Variants in ITGA1 observed in about 807,000 individuals in gnomAD.
The protein encoded by ITGA1 is integrin alpha-1.
A neutral mutation model predicts 145.9 loss-of-function variants in ITGA1; 85 were observed. That is an observed-to-expected ratio of 0.58 (90% confidence interval 0.49 to 0.70). The LOEUF is 0.70. Among genes scored for constraint, ITGA1 ranks in the 30% least tolerant of loss-of-function variants. ITGA1 has a pLI of 0.00. For synonymous variants in ITGA1, 520 were observed against 495.3 expected (o/e 1.05, Z -0.66); for missense variants, 1,351 against 1,418.7 (o/e 0.95, Z 0.77).
chr5:52,856,689 AGAGAG>A lies in ITGA1; in HGVS notation c.183-4757_183-4753del, dbSNP rs777550517. 1.4e-3 allele frequency among the ~76,000 whole-genome samples: 194 copies of A among 143,362 alleles called. 2 individuals are homozygous for A. In the South Asian group the frequency reaches 0.017, roughly 13 times the overall value. 94.1% of individuals were successfully genotyped at this position (143,362 alleles called of 152,430 possible). ...AAAGAAGAAAAAGAGACAGAGAGAG[AGAGAG>A]AGAGAGAGAGAGAGAGAGAAGCCAC... On this transcript the variant is annotated intron_variant, in intron 2 of 28. Transcript: ENST00000282588.
intron 1 of ITGA1, chr5:52,802,316 A>T (rs1561212721): frequency 6.6e-6 from 1 of 151,966 alleles, no homozygotes; most frequent in Non-Finnish European, 1.5e-5. Context: ...CACACACTAC[A>T]TTTTTTTTAG....
At chr5:52,861,807 C>G (rs893964399) in intron 3 of ITGA1, among the ~76,000 whole-genome samples, 2 of 149,100 alleles carry the variant, frequency 1.3e-5, no homozygotes, top group Non-Finnish European at 3.0e-5. Flanking sequence ...GAGTTTGAGA[C>G]TGCAGTGAAT....
At chr5:52,870,694 G>A (rs982969276) in intron 6 of ITGA1, among the ~76,000 whole-genome samples, 3 of 152,314 alleles carry the variant, frequency 2.0e-5, no homozygotes, top group African/African-American at 7.2e-5. Context: ...TAGAATGCAT[G>A]TGTTTTCCCA....
intron 6 of ITGA1, among the ~76,000 whole-genome samples, chr5:52,871,755 T>C (rs1326897994): frequency 1.3e-5 from 2 of 152,214 alleles, no homozygotes; most frequent in African/African-American, 4.8e-5. Flanking sequence ...ATCCATTCTA[T>C]GTTTCTGTGT....
At chr5:52,800,803 G>GTGGC in intron 1 of ITGA1, 2 of 1,612,292 alleles carry the variant, frequency 1.2e-6, no homozygotes, top group Non-Finnish European at 1.7e-6. Flanking sequence ...GAGCGCTGAT[G>GTGGC]TGGCGGCTGT....
At chr5:52,832,438 TG>T (rs1260326332) in intron 1 of ITGA1, among the ~76,000 whole-genome samples, 8 of 152,288 alleles carry the variant, frequency 5.3e-5, no homozygotes, top group Non-Finnish European at 1.0e-4. Flanking sequence ...AAAAGGTAGT[TG>T]TTGGCTTCTG....
At position 52,872,575 on chromosome 5, in the gene ITGA1, A is replaced by ATTTTTTTTT. The variant is rs58664401; in HGVS notation, c.624+6768_624+6776dup. ...CTTCCCCTTACACCCGCCTCAGTCA[A>ATTTTTTTTT]TTTTTTTTTTTTTTTTTTGTGGGTG... On this transcript the variant is annotated intron_variant, in intron 6 of 28. Transcript: ENST00000282588. Among the ~76,000 whole-genome samples, 422 of 98,292 alleles carry ATTTTTTTTT rather than the reference A, an allele frequency of 4.3e-3. 21 individuals carry two copies. The highest frequency in any genetic ancestry group is 0.014 in the African/African-American group (381 of 27,684). 64.5% of individuals were successfully genotyped at this position (98,292 alleles called of 152,430 possible).
intron 6 of ITGA1, chr5:52,867,171 G>T (rs1365591101): frequency 6.6e-6 from 1 of 152,032 alleles, no homozygotes; most frequent in Non-Finnish European, 1.5e-5. Context: ...ATGTGTCTGT[G>T]TATATTTATG....
chr5:52,823,223 TAGAC>T (rs1366128826), intron 1 of ITGA1, among the ~76,000 whole-genome samples: 1 of 152,180 alleles, frequency 6.6e-6, no homozygotes, highest in African/African-American at 2.4e-5. Flanking sequence ...TTTTAATTTT[TAGAC>T]AGAGTTTTGC....
intron 15 of ITGA1, 139 bp from the exon 16 acceptor site, chr5:52,918,593 T>G (rs770207281): frequency 7.8e-6 from 5 of 642,986 alleles, no homozygotes; most frequent in Non-Finnish European, 1.2e-5. Flanking sequence ...TAACAATGAT[T>G]AATTAAAGAA....
rs779153979 is a variant in ITGA1 at position 52,861,461 on chromosome 5, C to G, written c.197C>G (p.Ser66Cys). Residue 66 changes from serine to cysteine, a missense_variant, in exon 3 of 29, where the codon TCT becomes TGT. Physicochemically the swap from Ser to Cys is moderately radical, Grantham distance 112. Coordinates refer to ENST00000282588, the MANE Select transcript of ITGA1 (RefSeq NM_181501.2). Reference protein sequence around the residue: ...NEEGKWVLIGSPLVGQPKNRT... With the variant: ...NEEGKWVLIGCPLVGQPKNRT... ...TTAACTTCCAGGGTGCTTATTGGTT[C>G]TCCGTTAGTTGGCCAACCCAAAAAC... 3 of 1,611,774 alleles carry G rather than the reference C, an allele frequency of 1.9e-6. No homozygotes were observed. In the African/African-American group the frequency reaches 4.0e-5, roughly 22 times the overall value.
At chr5:52,914,625 CAAACGAG>C (rs1448936663) in intron 14 of ITGA1, among the ~76,000 whole-genome samples, 1,614 of 150,530 alleles carry the variant, frequency 0.011, 24 homozygotes, top group African/African-American at 0.037. Flanking sequence ...GAAATACTTT[CAAACGAG>C]CCTCACCTGT....
intron 1 of ITGA1, among the ~76,000 whole-genome samples, chr5:52,841,267 A>T (rs905926015): frequency 6.6e-6 from 1 of 152,162 alleles, no homozygotes; most frequent in Non-Finnish European, 1.5e-5. Flanking sequence ...TGAGTTGGAT[A>T]TATTATTTTT....
chr5:52,887,915 A>G lies in ITGA1; in HGVS notation c.874A>G (p.Lys292Glu), dbSNP rs754071593. The change falls in exon 8 of 29, where the codon AAG (lysine) becomes GAG (glutamate). Residue 292 changes from lysine to glutamate, a missense_variant. By Grantham distance (56) the Lys-to-Glu change is moderately conservative (BLOSUM62 1). Coordinates refer to ENST00000282588, the MANE Select transcript of ITGA1 (RefSeq NM_181501.2). Reference protein sequence around the residue: ...GESHDNHRLKKVIQDCEDENI... With the variant: ...GESHDNHRLKEVIQDCEDENI... ...GTCTCATGACAATCATCGACTGAAG[A>G]AGGTCATCCAAGACTGTGAAGATGA... is the stretch of plus-strand genomic sequence containing the variant. 1 of 1,614,094 alleles carries G rather than the reference A, an allele frequency of 6.2e-7. No individual in the cohort carries two copies. Among genetic ancestry groups the G allele is most frequent in the Non-Finnish European group, 8.5e-7 (1 of 1,179,928 alleles).
Position 52,910,508 on chromosome 5 carries a change from A to C in ITGA1, c.1857+89A>C. On this transcript the variant is annotated intron_variant, in intron 14 of 28. Coordinates refer to ENST00000282588, the MANE Select transcript of ITGA1 (RefSeq NM_181501.2). The stretch of plus-strand genomic sequence containing the variant: ...CCTGTCTAACTTCATGAGTTATTTA[A>C]TTTCTTCCTCCTGACCTTATTGGGA... 2.9e-6 allele frequency: 4 copies of C among 1,392,192 alleles called. No individual in the cohort carries two copies. The South Asian group carries it at 4.2e-5, about 14-fold the overall frequency. The allele number at this position is 1,392,192 out of a possible 1,614,324, so 86.2% of individuals were successfully genotyped here. A position where few individuals can be genotyped will look rare whatever the true frequency, so the allele number is the denominator to read the frequency against.
Position 52,957,523 on chromosome 5 carries a change from G to A in ITGA1, c.*5072G>A, listed in dbSNP as rs1485779227. 2 of 152,092 alleles carry A rather than the reference G, an allele frequency of 1.3e-5. No individual in the cohort carries two copies. Among genetic ancestry groups the A allele is most frequent in the Non-Finnish European group, 2.9e-5 (2 of 68,026 alleles). The allele number at this position is 152,092 out of a possible 1,614,324, so 9.4% of individuals were successfully genotyped here. On this transcript the variant is annotated 3_prime_UTR_variant, in exon 29 of 29. Transcript: ENST00000282588. The stretch of plus-strand genomic sequence containing the variant: ...TTAGAACTTTATACAAGACTCCCTA[G>A]CATTTTCCTCCTCCCACAGGCTGGA...
At chr5:52,855,904 T>C (rs899169527) in intron 2 of ITGA1, among the ~76,000 whole-genome samples, 1 of 152,138 alleles carries the variant, frequency 6.6e-6, no homozygotes, top group Admixed American at 6.6e-5. Context: ...GCTAACCTGG[T>C]CTTTACTATT....
chr5:52,899,072 A>G (rs928467870), intron 11 of ITGA1, among the ~76,000 whole-genome samples: 7 of 152,164 alleles, frequency 4.6e-5, no homozygotes, highest in Non-Finnish European at 8.8e-5. Flanking sequence ...CTAAAATAAA[A>G]AGGACCATCA....
intron 2 of ITGA1, among the ~76,000 whole-genome samples, chr5:52,855,912 A>G (rs1339951337): frequency 6.6e-6 from 1 of 152,170 alleles, no homozygotes; most frequent in African/African-American, 2.4e-5. Flanking sequence ...GGTCTTTACT[A>G]TTGGTCCCAA....
Sources: allele counts gnomAD v4.1 joint callset (sites outside exome capture counted in the v4.1 genomes callset), GRCh38; gene constraint gnomAD v4.1.1; transcripts MANE v1.5; gene names NCBI Gene and HGNC (gene_info 2026-07-23, HGNC 2026-07-21).